ST6GALNAC5: variants seen among roughly 807,000 people sequenced by gnomAD.
The protein encoded by ST6GALNAC5 is alpha-N-acetylgalactosaminide alpha-2,6-sialyltransferase 5.
Under a neutral mutation model 33.6 loss-of-function variants are expected in ST6GALNAC5, and 27 were observed. The ratio of observed to expected loss-of-function variants is 0.80; its 90% CI spans 0.59 to 1.11. The LOEUF (loss-of-function observed/expected upper bound fraction) is 1.11, where lower values mean the gene tolerates loss of function less well. Among genes scored for constraint, ST6GALNAC5 ranks in the 50% least tolerant of loss-of-function variants. The probability of loss-of-function intolerance (pLI) is 0.00; values close to 1 mark genes in which losing one functional copy is unlikely to be tolerated. For synonymous variants in ST6GALNAC5, 194 were observed against 171.2 expected, an observed-to-expected ratio of 1.13 and a Z score of -1.04; for missense variants, 428 against 454.0, an observed-to-expected ratio of 0.94 and a Z score of 0.52.
rs1379422779 is a variant in ST6GALNAC5 at position 76,996,040 on chromosome 1, A to G, written c.262-48164A>G. ...ATAGACACCTTTATAATTTACAAAGAACTTTCACAAACATGGCCTCATTAT... is the reference window on the plus strand; with the variant it reads ...ATAGACACCTTTATAATTTACAAAGGACTTTCACAAACATGGCCTCATTAT... On this transcript the variant is annotated intron_variant, in intron 2 of 4. Coordinates refer to ENST00000477717, the MANE Select transcript of ST6GALNAC5 (RefSeq NM_030965.3). Among the ~76,000 whole-genome samples, 7 of 152,350 alleles carry G rather than the reference A, an allele frequency of 4.6e-5. No homozygotes were observed. The East Asian group carries it at 7.7e-4, about 17-fold the overall frequency.
chr1:76,919,702 C>G (rs529224646), intron 2 of ST6GALNAC5, among the ~76,000 whole-genome samples: 23 of 152,124 alleles, frequency 1.5e-4, no homozygotes, highest in African/African-American at 4.6e-4. Flanking sequence ...AAGCTAAATT[C>G]CAAAGATCAA....
At chr1:76,957,327 C>T (rs1311716497) in intron 2 of ST6GALNAC5, among the ~76,000 whole-genome samples, 1 of 152,198 alleles carries the variant, frequency 6.6e-6, no homozygotes, top group Admixed American at 6.5e-5. Context: ...TTTGACATCA[C>T]ATGGCACTTG....
chr1:76,925,538 A>G (rs1647076186), intron 2 of ST6GALNAC5, among the ~76,000 whole-genome samples: 1 of 152,092 alleles, frequency 6.6e-6, no homozygotes, highest in Non-Finnish European at 1.5e-5. Context: ...CTCTCATGGA[A>G]ATGCCTTCAG....
chr1:76,912,488 T>C (rs1646924598), intron 2 of ST6GALNAC5, among the ~76,000 whole-genome samples: 2 of 152,014 alleles, frequency 1.3e-5, no homozygotes, highest in East Asian at 3.9e-4. Context: ...CTTGTTAACT[T>C]TCTGTCTCGT....
intron 2 of ST6GALNAC5, among the ~76,000 whole-genome samples, chr1:76,907,876 T>C (rs1214250211): frequency 6.6e-6 from 1 of 152,138 alleles, no homozygotes; most frequent in Admixed American, 6.6e-5. Flanking sequence ...CTATATTTGG[T>C]TCATGGTTTC....
At chr1:76,968,976 T>C (rs1427685358) in intron 2 of ST6GALNAC5, among the ~76,000 whole-genome samples, 1 of 152,236 alleles carries the variant, frequency 6.6e-6, no homozygotes, top group East Asian at 1.9e-4. Context: ...CTTCCCTTTG[T>C]GCGTTACCCA....
At chr1:77,030,744 A>ACT (rs1405422739) in intron 2 of ST6GALNAC5, among the ~76,000 whole-genome samples, 4 of 152,234 alleles carry the variant, frequency 2.6e-5, no homozygotes, top group Non-Finnish European at 5.9e-5. Flanking sequence ...AGAAAAGAAG[A>ACT]CTGGATAAAA....
intron 2 of ST6GALNAC5, among the ~76,000 whole-genome samples, chr1:76,924,072 TGTGAGTGTGTGAGAGTGG>T (rs1167645431): frequency 6.6e-6 from 1 of 152,138 alleles, no homozygotes; most frequent in Non-Finnish European, 1.5e-5. Flanking sequence ...TGTCTTAATC[TGTGAGTGTGTGAGAGTGG>T]GTGAGTGTGT....
intron 2 of ST6GALNAC5, among the ~76,000 whole-genome samples, chr1:76,888,205 G>C (rs553727862): frequency 9.2e-5 from 14 of 151,972 alleles, no homozygotes; most frequent in African/African-American, 9.7e-5. Context: ...TTAAAGCAGC[G>C]CTTCTCAAAC....
At chr1:77,044,137 C>A in intron 2 of ST6GALNAC5, 67 bp from the exon 3 acceptor site, 5 of 1,498,260 alleles carry the variant, frequency 3.3e-6, no homozygotes, top group Non-Finnish European at 4.5e-6. Context: ...AGGGAAGTAG[C>A]CTGCTGGTGC....
intron 2 of ST6GALNAC5, among the ~76,000 whole-genome samples, chr1:76,997,124 C>T (rs1570750931): frequency 6.6e-6 from 1 of 152,274 alleles, no homozygotes; most frequent in South Asian, 2.1e-4. Context: ...AAAACAAATG[C>T]ATTCTTTGTG....
chr1:76,963,468 G>A (rs1648329100), intron 2 of ST6GALNAC5, among the ~76,000 whole-genome samples: 1 of 152,180 alleles, frequency 6.6e-6, no homozygotes, highest in African/African-American at 2.4e-5. Flanking sequence ...AGATAAATGG[G>A]ACTGAGCAAC....
At chr1:76,890,024 T>C (rs1284859084) in intron 2 of ST6GALNAC5, among the ~76,000 whole-genome samples, 1 of 152,158 alleles carries the variant, frequency 6.6e-6, no homozygotes, top group Non-Finnish European at 1.5e-5. Context: ...TTCTTGCAGA[T>C]GTGTATGTTT....
chr1:76,933,060 T>A (rs77323973), intron 2 of ST6GALNAC5, among the ~76,000 whole-genome samples: 516 of 152,192 alleles, frequency 3.4e-3, no homozygotes, highest in Non-Finnish European at 5.0e-3. Context: ...GCACACATTA[T>A]ATTTCTTAGA....
At chr1:76,923,618 A>G (rs1052232384) in intron 2 of ST6GALNAC5, among the ~76,000 whole-genome samples, 4 of 152,028 alleles carry the variant, frequency 2.6e-5, no homozygotes, top group African/African-American at 7.2e-5. Context: ...GCTTGAACCC[A>G]GGAGGCAGAG....
intron 2 of ST6GALNAC5, among the ~76,000 whole-genome samples, chr1:76,922,779 T>C (rs1250346616): frequency 6.6e-6 from 1 of 151,208 alleles, no homozygotes; most frequent in Non-Finnish European, 1.5e-5. Flanking sequence ...CTACTAGAAA[T>C]ACAAAAATGA....
At chr1:76,989,637 C>A (rs1037742103) in intron 2 of ST6GALNAC5, among the ~76,000 whole-genome samples, 3 of 152,074 alleles carry the variant, frequency 2.0e-5, no homozygotes, top group African/African-American at 7.2e-5. Context: ...GAGGCAGGAC[C>A]AGGTCAGCTT....
At chr1:77,053,168 A>T (rs1383322369) in intron 4 of ST6GALNAC5, among the ~76,000 whole-genome samples, 1 of 152,174 alleles carries the variant, frequency 6.6e-6, no homozygotes, top group Non-Finnish European at 1.5e-5. Context: ...TACTCATTTG[A>T]CCATTCCCTC....
intron 2 of ST6GALNAC5, among the ~76,000 whole-genome samples, chr1:76,964,525 T>C (rs1054264759): frequency 4.6e-5 from 7 of 152,200 alleles, no homozygotes; most frequent in African/African-American, 1.7e-4. Flanking sequence ...GCTTGCTTGA[T>C]ATTTTTTCAT....
Sources: allele counts gnomAD v4.1 joint callset (sites outside exome capture counted in the v4.1 genomes callset), GRCh38; gene constraint gnomAD v4.1.1; transcripts MANE v1.5; gene names NCBI Gene and HGNC (gene_info 2026-07-23, HGNC 2026-07-21).